Variants in ITCH observed in about 807,000 individuals in gnomAD.
The protein encoded by ITCH is itchy E3 ubiquitin protein ligase.
In ITCH, 28 loss-of-function variants were observed where a neutral mutation model predicts 126.8. The ratio of observed to expected loss-of-function variants is 0.22; its 90% CI spans 0.16 to 0.30. The LOEUF (loss-of-function observed/expected upper bound fraction) is 0.30, where lower values mean the gene tolerates loss of function less well. ITCH is among the 10% of genes least tolerant of loss of function. The probability of loss-of-function intolerance (pLI) is 1.00; values close to 1 mark genes in which losing one functional copy is unlikely to be tolerated. For synonymous variants in ITCH, 342 were observed against 340.0 expected (o/e 1.01, Z -0.06); for missense variants, 631 against 1,032.4 (o/e 0.61, Z 5.33).
In ITCH at chr20:34,470,028, TA is replaced by T; in HGVS notation, c.1425-18del. Reference sequence around the variant, plus strand: ...TTACAAGCAGCTATATATGTCCTGTTAACCCTTGTTCTTCCTCAGAGACAAT... The same window carrying T: ...TTACAAGCAGCTATATATGTCCTGTTACCCTTGTTCTTCCTCAGAGACAAT... On this transcript the variant is annotated intron_variant, in intron 14 of 24. Coordinates refer to ENST00000374864, the MANE Select transcript of ITCH (RefSeq NM_031483.7). 6.2e-7 allele frequency: 1 copy of T among 1,601,820 alleles called. No homozygotes were observed. Among genetic ancestry groups the T allele is most frequent in the Non-Finnish European group, 8.6e-7 (1 of 1,168,758 alleles).
Position 34,369,403 on chromosome 20 carries a change from A to G in ITCH, c.-89A>G, listed in dbSNP as rs1601729647. On this transcript the variant is annotated 5_prime_UTR_variant, in exon 2 of 25. Transcript: ENST00000374864. Reference sequence around the variant, plus strand: ...CTCCTTCCTTTCTCAGGTACCATGCATTTCACGGTGGCCTTGTGGAGACAA... The same window carrying G: ...CTCCTTCCTTTCTCAGGTACCATGCGTTTCACGGTGGCCTTGTGGAGACAA... 5 of 399,058 alleles carry G rather than the reference A, an allele frequency of 1.3e-5. No homozygotes were observed. In the East Asian group the frequency reaches 1.8e-4, roughly 14 times the overall value. The allele number at this position is 399,058 out of a possible 1,614,324, so 24.7% of individuals were successfully genotyped here. A position where few individuals can be genotyped will look rare whatever the true frequency, so the allele number is the denominator to read the frequency against.
chr20:34,489,243 G>T (rs770368621), intron 20 of ITCH, 23 bp from the exon 21 acceptor site: 1 of 1,610,384 alleles, frequency 6.2e-7, no homozygotes, highest in Admixed American at 1.7e-5. Flanking sequence ...TTCCTGATAG[G>T]TTTTTTCATA....
intron 6 of ITCH, among the ~76,000 whole-genome samples, chr20:34,419,257 G>A (rs529762230): frequency 1.3e-5 from 2 of 152,200 alleles, no homozygotes; most frequent in African/African-American, 4.8e-5. Flanking sequence ...AAAATAAAAT[G>A]AGCATCCCTG....
intron 22 of ITCH, among the ~76,000 whole-genome samples, chr20:34,491,660 A>C (rs1989524401): frequency 1.3e-5 from 2 of 152,254 alleles, no homozygotes; most frequent in Non-Finnish European, 2.9e-5. Context: ...TTACAATTGT[A>C]GGATAATTAA....
At chr20:34,486,807 T>C (rs1316961727) in intron 20 of ITCH, among the ~76,000 whole-genome samples, 1 of 149,502 alleles carries the variant, frequency 6.7e-6, no homozygotes, top group Non-Finnish European at 1.5e-5. Context: ...CAAGCGATCC[T>C]CTAGCCTCAG....
At chr20:34,416,665 CAGTTATAT>C (rs1338840616) in intron 6 of ITCH, among the ~76,000 whole-genome samples, 6 of 152,060 alleles carry the variant, frequency 3.9e-5, no homozygotes, top group Non-Finnish European at 8.8e-5. Flanking sequence ...CTAAAAATGG[CAGTTATAT>C]AAATAAACTT....
chr20:34,411,366 C>T (rs6088490), intron 4 of ITCH, among the ~76,000 whole-genome samples: 1,833 of 152,226 alleles, frequency 0.012, 17 homozygotes, highest in Non-Finnish European at 0.016. Context: ...GTTGGCCAGG[C>T]TGGTCTCAAG....
At chr20:34,442,174 A>G in intron 9 of ITCH, 34 bp from the exon 10 acceptor site, 6 of 1,510,646 alleles carry the variant, frequency 4.0e-6, no homozygotes, top group Non-Finnish European at 5.5e-6. Context: ...AACTCATGCA[A>G]GTATTTTACC....
At chr20:34,496,229 T>G (rs1989873739) in intron 23 of ITCH, among the ~76,000 whole-genome samples, 1 of 152,242 alleles carries the variant, frequency 6.6e-6, no homozygotes, top group African/African-American at 2.4e-5. Flanking sequence ...TGCATCTCCC[T>G]GATGATTAGT....
chr20:34,418,866 A>G (rs960183710), intron 6 of ITCH, among the ~76,000 whole-genome samples: 3 of 150,090 alleles, frequency 2.0e-5, no homozygotes, highest in East Asian at 2.0e-4. Context: ...GGTTCAAGCA[A>G]TTCTCCTGCC....
chr20:34,474,354 T>C (rs1271649202), intron 16 of ITCH, among the ~76,000 whole-genome samples: 2 of 152,018 alleles, frequency 1.3e-5, no homozygotes, highest in East Asian at 1.9e-4. Flanking sequence ...GATTAGGGAG[T>C]GGTGATGACT....
chr20:34,494,210 AC>A (rs1989710790), intron 23 of ITCH, among the ~76,000 whole-genome samples: 1 of 152,242 alleles, frequency 6.6e-6, no homozygotes, highest in African/African-American at 2.4e-5. Flanking sequence ...AGCCTGGGAA[AC>A]AGAGTGAGAC....
chr20:34,379,719 C>T (rs867205895), intron 2 of ITCH, among the ~76,000 whole-genome samples: 1 of 151,440 alleles, frequency 6.6e-6, no homozygotes, highest in Non-Finnish European at 1.5e-5. Flanking sequence ...CTCAGCCTCC[C>T]AAGTAGCTGG....
At chr20:34,464,206 T>A (rs1218425156) in intron 14 of ITCH, among the ~76,000 whole-genome samples, 2 of 151,174 alleles carry the variant, frequency 1.3e-5, no homozygotes, top group Non-Finnish European at 2.9e-5. Flanking sequence ...GCCAGGATGG[T>A]CTTGATCTCC....
intron 2 of ITCH, among the ~76,000 whole-genome samples, chr20:34,373,933 G>A (rs183563963): frequency 3.4e-4 from 51 of 151,288 alleles, no homozygotes; most frequent in Admixed American, 9.9e-4. Context: ...TCGCCAGGCT[G>A]GAGTGCAGTG....
chr20:34,430,877 G>C (rs1982200404), intron 7 of ITCH, among the ~76,000 whole-genome samples: 2 of 152,210 alleles, frequency 1.3e-5, no homozygotes, highest in South Asian at 4.1e-4. Flanking sequence ...AGTGAAGGTT[G>C]AAAGTCCTAT....
intron 16 of ITCH, 138 bp from the exon 17 acceptor site, chr20:34,477,633 GT>G: frequency 5.7e-6 from 4 of 698,654 alleles, no homozygotes; most frequent in Non-Finnish European, 1.0e-5. Context: ...TGTATGTGTG[GT>G]TTTGACTAGA....
chr20:34,409,491 C>T (rs951033723), intron 4 of ITCH, among the ~76,000 whole-genome samples: 4 of 152,158 alleles, frequency 2.6e-5, no homozygotes, highest in Admixed American at 6.6e-5. Flanking sequence ...CCCATCTCAG[C>T]CTTTTTCTCA....
intron 2 of ITCH, among the ~76,000 whole-genome samples, chr20:34,388,052 A>G (rs1350830544): frequency 6.6e-6 from 1 of 151,838 alleles, no homozygotes; most frequent in Non-Finnish European, 1.5e-5. Context: ...ACAATGGTTT[A>G]CAGTGCTAAG....
Sources: allele counts gnomAD v4.1 joint callset (sites outside exome capture counted in the v4.1 genomes callset), GRCh38; gene constraint gnomAD v4.1.1; transcripts MANE v1.5; gene names NCBI Gene and HGNC (gene_info 2026-07-23, HGNC 2026-07-21).